PTPRZ1: variants seen among roughly 807,000 people sequenced by gnomAD.
PTPRZ1 encodes protein tyrosine phosphatase receptor type Z1, also known as receptor-type tyrosine-protein phosphatase zeta.
In PTPRZ1, 82 loss-of-function variants were observed where a neutral mutation model predicts 214.1. That is an observed-to-expected ratio of 0.38 (90% CI 0.32 to 0.46). The LOEUF is 0.46. PTPRZ1 is among the 20% of genes least tolerant of loss of function. The pLI is 1.00. For synonymous variants in PTPRZ1, 945 were observed against 987.9 expected, an observed-to-expected ratio of 0.96 and a Z score of 0.81; for missense variants, 2,603 against 2,748.7, an observed-to-expected ratio of 0.95 and a Z score of 1.19.
intron 12 of PTPRZ1, among the ~76,000 whole-genome samples, chr7:122,015,835 T>C (rs1055479370): frequency 6.6e-6 from 1 of 151,988 alleles, no homozygotes; most frequent in African/African-American, 2.4e-5. Context: ...ACAATATGAA[T>C]ATGACATCCA....
intron 6 of PTPRZ1, among the ~76,000 whole-genome samples, chr7:121,981,986 T>C (rs886207528): frequency 6.6e-6 from 1 of 152,206 alleles, no homozygotes; most frequent in African/African-American, 2.4e-5. Context: ...CATTAGGTTA[T>C]GATGATAATT....
chr7:122,033,777 T>C (rs1799456306), intron 15 of PTPRZ1: 1 of 307,364 alleles, frequency 3.3e-6, no homozygotes, highest in South Asian at 7.4e-5. Flanking sequence ...TTAGCCAATC[T>C]GACTAATATG....
intron 10 of PTPRZ1, among the ~76,000 whole-genome samples, chr7:122,002,179 G>A (rs1002136929): frequency 4.6e-5 from 7 of 152,178 alleles, no homozygotes; most frequent in Non-Finnish European, 7.3e-5. Flanking sequence ...GTTATGAAGA[G>A]ACTCAGCAAA....
intron 4 of PTPRZ1, among the ~76,000 whole-genome samples, chr7:121,974,262 C>T (rs1387741295): frequency 2.0e-5 from 3 of 151,982 alleles, no homozygotes; most frequent in African/African-American, 7.3e-5. Context: ...TTTGCTTTGT[C>T]AAAGTAGTCA....
chr7:121,888,226 T>C (rs1794460651), intron 1 of PTPRZ1, among the ~76,000 whole-genome samples: 2 of 151,964 alleles, frequency 1.3e-5, no homozygotes, highest in Middle Eastern at 3.4e-3. Flanking sequence ...TCTGAGACCA[T>C]ACATTTTGTG....
chr7:121,959,006 GTA>G (rs1368217471), intron 2 of PTPRZ1, among the ~76,000 whole-genome samples: 2 of 152,102 alleles, frequency 1.3e-5, no homozygotes, highest in Non-Finnish European at 2.9e-5. Flanking sequence ...TGTATTTTTA[GTA>G]GAGGCGGGGT....
In PTPRZ1 at chr7:121,978,638, G is replaced by T. The variant is rs1365122674; in HGVS notation, c.619+1787G>T. ...CCCACTTGGTCCCTCCTCAACACAT[G>T]GGGATTACAATTTGGATTACAATTC... On this transcript the variant is annotated intron_variant, in intron 6 of 29. Transcript: ENST00000393386. 2.6e-5 allele frequency among the ~76,000 whole-genome samples: 4 copies of T among 152,054 alleles called. No individual in the cohort carries two copies. The East Asian group carries it at 7.7e-4, about 29-fold the overall frequency.
At chr7:122,037,148 G>A (rs928116010) in intron 18 of PTPRZ1, among the ~76,000 whole-genome samples, 8 of 152,008 alleles carry the variant, frequency 5.3e-5, no homozygotes, top group South Asian at 2.1e-4. Flanking sequence ...TGTGGCGGGC[G>A]CCTGTAGTCC....
chr7:122,008,329 G>C (rs1405789207), intron 11 of PTPRZ1, among the ~76,000 whole-genome samples: 1 of 152,050 alleles, frequency 6.6e-6, no homozygotes, highest in East Asian at 1.9e-4. Flanking sequence ...GTTTTCCTTT[G>C]TGTTTCCTTT....
chr7:121,934,437 G>T (rs554985451), intron 2 of PTPRZ1, among the ~76,000 whole-genome samples: 1 of 132,552 alleles, frequency 7.5e-6, no homozygotes, highest in East Asian at 2.4e-4. Context: ...GCAGTGAGCC[G>T]AGATCGCGCC....
At chr7:121,903,173 A>G (rs1299256630) in intron 1 of PTPRZ1, among the ~76,000 whole-genome samples, 1 of 152,214 alleles carries the variant, frequency 6.6e-6, no homozygotes, top group Non-Finnish European at 1.5e-5. Context: ...TTATGATAGC[A>G]TCACTTAATT....
chr7:121,893,258 C>T (rs974730264), intron 1 of PTPRZ1, among the ~76,000 whole-genome samples: 2 of 152,120 alleles, frequency 1.3e-5, no homozygotes, highest in African/African-American at 4.8e-5. Context: ...CAAAAAAACC[C>T]CAAATGGCTG....
chr7:122,038,659 C>A, intron 18 of PTPRZ1, 96 bp from the exon 19 acceptor site: 3 of 1,216,446 alleles, frequency 2.5e-6, no homozygotes, highest in Non-Finnish European at 2.2e-6. Flanking sequence ...TTTTCTTTTA[C>A]GAAAAATTAT....
chr7:121,970,009 T>A (rs1003230472), intron 3 of PTPRZ1, among the ~76,000 whole-genome samples: 15 of 140,912 alleles, frequency 1.1e-4, no homozygotes, highest in Non-Finnish European at 2.1e-4. Context: ...TGTCCAAGTG[T>A]TCTCATTGTT....
intron 6 of PTPRZ1, among the ~76,000 whole-genome samples, chr7:121,979,200 C>CTCTT (rs1007052280): frequency 6.6e-6 from 1 of 152,120 alleles, no homozygotes; most frequent in South Asian, 2.1e-4. Context: ...CCCTCAACCC[C>CTCTT]TCTTTCTTTC....
rs750327297 is a variant in PTPRZ1, at chr7:122,013,327, T to G, written c.4281T>G (p.Asp1427Glu). The G allele has an allele frequency of 1.2e-6, 2 of 1,613,988 alleles. No individual in the cohort carries two copies. Among genetic ancestry groups the G allele is most frequent in the East Asian group, 4.5e-5 (2 of 44,858 alleles). The change falls in exon 12 of 30, where the codon GAT (aspartate) becomes GAG (glutamate). Residue 1427 changes from aspartate to glutamate, a missense_variant. By Grantham distance (45) the Asp-to-Glu change is conservative. Coordinates refer to ENST00000393386, the MANE Select transcript of PTPRZ1 (RefSeq NM_002851.3). Reference protein sequence around the residue: ...EDGDTDDDGDDDDDDRGSDGL... With the variant: ...EDGDTDDDGDEDDDDRGSDGL... Reference sequence around the variant, plus strand: ...GTGACACTGATGATGATGGTGATGATGATGATGATGACAGAGGTAGTGATG... The same window carrying G: ...GTGACACTGATGATGATGGTGATGAGGATGATGATGACAGAGGTAGTGATG...
At chr7:122,000,783 T>C (rs1798300226) in intron 10 of PTPRZ1, among the ~76,000 whole-genome samples, 1 of 147,554 alleles carries the variant, frequency 6.8e-6, no homozygotes, top group Non-Finnish European at 1.5e-5. Flanking sequence ...ACCTCCTGGG[T>C]TCAAGCGATT....
chr7:121,874,065 C>CACACACACACAA lies in PTPRZ1; in HGVS notation c.58+508_58+509insACACACACACAA, dbSNP rs1554421850. ...ACACACACACACACACACACACACA[C>CACACACACACAA]CTGAAAGGTAGTAACAGGCACAAGC... is the stretch of plus-strand genomic sequence containing the variant. On this transcript the variant is annotated intron_variant, in intron 1 of 29. Transcript: ENST00000393386. 7.3e-3 allele frequency among the ~76,000 whole-genome samples: 1,104 copies of CACACACACACAA among 151,410 alleles called. 11 individuals are homozygous for CACACACACACAA. Among genetic ancestry groups the CACACACACACAA allele is most frequent in the African/African-American group, 0.025 (1,024 of 41,074 alleles).
chr7:121,928,181 A>G lies in PTPRZ1; in HGVS notation c.84A>G (p.Gln28=). 1 of 1,612,600 alleles carries G rather than the reference A, an allele frequency of 6.2e-7. No homozygotes were observed. Among genetic ancestry groups the G allele is most frequent in the South Asian group, 1.1e-5 (1 of 91,006 alleles). Residue 28 remains glutamine (Q), a synonymous_variant, in exon 2 of 30, where the codon CAA becomes CAG. Coordinates refer to ENST00000393386, the MANE Select transcript of PTPRZ1 (RefSeq NM_002851.3). The part of the protein sequence containing the change: ...RLDWANGYYR[Q]QRKLVEEIGW... ...ATTGGGCTAATGGATACTACAGACA[A>G]CAGAGAAAACTTGTTGAAGAGATTG... is the stretch of plus-strand genomic sequence containing the variant.
Sources: gnomAD v4.1 joint callset for allele counts (sites outside exome capture counted in the v4.1 genomes callset) on GRCh38, gnomAD v4.1.1 for gene constraint, MANE v1.5 for transcripts, NCBI Gene and HGNC (gene_info 2026-07-23, HGNC 2026-07-21) for gene names.